The following LDLRAD3 variants were observed in gnomAD, a reference collection of about 807,000 sequenced individuals.
The protein encoded by LDLRAD3 is low-density lipoprotein receptor class A domain-containing protein 3.
Under a neutral mutation model 29.4 loss-of-function variants are expected in LDLRAD3, and 20 were observed. That is an observed-to-expected ratio of 0.68 (90% confidence interval 0.48 to 0.99). The LOEUF (loss-of-function observed/expected upper bound fraction) is 0.99, where lower values mean the gene tolerates loss of function less well. Among genes scored for constraint, LDLRAD3 ranks in the 50% least tolerant of loss-of-function variants. The pLI, the probability that LDLRAD3 is intolerant of heterozygous loss-of-function variation, is 0.00. For missense variants in LDLRAD3, 420 were observed against 454.3 expected (o/e 0.92, Z 0.69); for synonymous variants, 157 against 192.7 (o/e 0.81, Z 1.53).
chr11:36,198,607 G>T (rs982447276), intron 4 of LDLRAD3, among the ~76,000 whole-genome samples: 2 of 152,166 alleles, frequency 1.3e-5, no homozygotes, highest in Non-Finnish European at 2.9e-5. Context: ...GAAGCAGGGT[G>T]GTTCTGCTTC....
chr11:36,033,413 C>T (rs1001727666), intron 1 of LDLRAD3, among the ~76,000 whole-genome samples: 2 of 152,168 alleles, frequency 1.3e-5, no homozygotes, highest in Admixed American at 6.5e-5. Context: ...TTGTCAAGTC[C>T]ATGTGCCGCC....
At chr11:36,034,407 T>C (rs193015397) in intron 1 of LDLRAD3, among the ~76,000 whole-genome samples, 1 of 152,154 alleles carries the variant, frequency 6.6e-6, no homozygotes, top group East Asian at 1.9e-4. Context: ...TGGCCACATA[T>C]AGGGGTTGAT....
At chr11:36,025,862 C>T (rs1852160359) in intron 1 of LDLRAD3, among the ~76,000 whole-genome samples, 1 of 149,320 alleles carries the variant, frequency 6.7e-6, no homozygotes, top group South Asian at 2.1e-4. Flanking sequence ...TCACTGCAAC[C>T]TCTGCCTCCC....
chr11:35,957,129 A>G (rs1342384487), intron 1 of LDLRAD3, among the ~76,000 whole-genome samples: 1 of 152,278 alleles, frequency 6.6e-6, no homozygotes, highest in Non-Finnish European at 1.5e-5. Flanking sequence ...CAAAAGGTAG[A>G]AACACATAAC....
At chr11:36,056,176 G>A (rs1341701890) in intron 2 of LDLRAD3, among the ~76,000 whole-genome samples, 1 of 151,920 alleles carries the variant, frequency 6.6e-6, no homozygotes, top group Non-Finnish European at 1.5e-5. Context: ...TGTATTTTTA[G>A]TAGAGACAGG....
chr11:36,149,003 G>A (rs1433350157), intron 4 of LDLRAD3, among the ~76,000 whole-genome samples: 4 of 152,224 alleles, frequency 2.6e-5, no homozygotes, highest in East Asian at 1.9e-4. Flanking sequence ...GTGTTGATAC[G>A]TATGATGAAC....
intron 1 of LDLRAD3, among the ~76,000 whole-genome samples, chr11:35,973,156 G>A (rs1186286742): frequency 2.0e-5 from 3 of 150,716 alleles, no homozygotes; most frequent in African/African-American, 7.3e-5. Context: ...GTTTTGTTTT[G>A]TTTTGTTTTG....
At position 36,056,649 on chromosome 11, in the gene LDLRAD3, T is replaced by C. The variant is rs372719356; in HGVS notation, c.193+20400T>C. On this transcript the variant is annotated intron_variant, in intron 2 of 5. Coordinates refer to ENST00000315571, the MANE Select transcript of LDLRAD3 (RefSeq NM_174902.4). Reference sequence around the variant, plus strand: ...ACTTTCCCATTGCCGCAAAAAGATATTGCATTTTAAATGTCTGAAATCATG... The same window carrying C: ...ACTTTCCCATTGCCGCAAAAAGATACTGCATTTTAAATGTCTGAAATCATG... 4.6e-5 allele frequency among the ~76,000 whole-genome samples: 7 copies of C among 152,270 alleles called. 1 individual carries two copies. The highest frequency in any genetic ancestry group is 1.2e-4 in the African/African-American group (5 of 41,572).
At chr11:36,154,681 C>T (rs1351262699) in intron 4 of LDLRAD3, among the ~76,000 whole-genome samples, 2 of 152,226 alleles carry the variant, frequency 1.3e-5, no homozygotes, top group African/African-American at 4.8e-5. Context: ...TGCAGTCAGT[C>T]TGGAGTCAGG....
chr11:36,177,933 T>C (rs1239353197), intron 4 of LDLRAD3, among the ~76,000 whole-genome samples: 1 of 152,050 alleles, frequency 6.6e-6, no homozygotes, highest in African/African-American at 2.4e-5. Flanking sequence ...TCCTAAGAGA[T>C]TATGTCTTTT....
intron 1 of LDLRAD3, among the ~76,000 whole-genome samples, chr11:35,961,836 A>G (rs954080457): frequency 1.3e-5 from 2 of 152,182 alleles, no homozygotes; most frequent in Non-Finnish European, 2.9e-5. Context: ...GTGTTTCATA[A>G]TCACATCATG....
chr11:35,968,391 G>GTGGC (rs1304379050), intron 1 of LDLRAD3: 7 of 358,326 alleles, frequency 2.0e-5, no homozygotes, highest in Non-Finnish European at 3.9e-5. Context: ...CTGGCACCAT[G>GTGGC]TGGCTGCTTG....
chr11:36,015,306 T>TCCCCCCCCCC (rs11347924), intron 1 of LDLRAD3, among the ~76,000 whole-genome samples: 3 of 87,718 alleles, frequency 3.4e-5, no homozygotes, highest in African/African-American at 9.0e-5. Context: ...GACATGCCAT[T>TCCCCCCCCCC]CCCCCCCCCC....
At chr11:36,045,704 T>C (rs1322460998) in intron 2 of LDLRAD3, among the ~76,000 whole-genome samples, 1 of 150,570 alleles carries the variant, frequency 6.6e-6, no homozygotes, top group Non-Finnish European at 1.5e-5. Context: ...AGTGAATAAG[T>C]CTCACGAGAT....
At chr11:36,174,345 A>G (rs757271933) in intron 4 of LDLRAD3, among the ~76,000 whole-genome samples, 2 of 152,242 alleles carry the variant, frequency 1.3e-5, no homozygotes. Context: ...AATGGCAACA[A>G]AAGCCAAAAT....
At chr11:36,150,249 C>G (rs535968627) in intron 4 of LDLRAD3, among the ~76,000 whole-genome samples, 13 of 152,282 alleles carry the variant, frequency 8.5e-5, no homozygotes, top group African/African-American at 3.1e-4. Context: ...CTGTTGAAGG[C>G]AGGCACAGTG....
intron 4 of LDLRAD3, among the ~76,000 whole-genome samples, chr11:36,183,563 G>C (rs1253565163): frequency 6.6e-6 from 1 of 152,204 alleles, no homozygotes; most frequent in Non-Finnish European, 1.5e-5. Flanking sequence ...TTACCACCTA[G>C]ATGTCACTAC....
At chr11:35,982,739 T>C (rs971297670) in intron 1 of LDLRAD3, among the ~76,000 whole-genome samples, 6 of 152,084 alleles carry the variant, frequency 3.9e-5, no homozygotes, top group Non-Finnish European at 2.9e-5. Context: ...CTCAGCTCTC[T>C]CTAAGGTGGC....
chr11:36,015,501 A>G (rs1017721167), intron 1 of LDLRAD3, among the ~76,000 whole-genome samples: 1 of 152,130 alleles, frequency 6.6e-6, no homozygotes, highest in Non-Finnish European at 1.5e-5. Context: ...TAAACTTTTT[A>G]TAGAAACTTA....
Sources: allele counts gnomAD v4.1 joint callset (sites outside exome capture counted in the v4.1 genomes callset), GRCh38; gene constraint gnomAD v4.1.1; transcripts MANE v1.5; gene names NCBI Gene and HGNC (gene_info 2026-07-23, HGNC 2026-07-21).